Variants in HPSE2 observed in about 807,000 individuals in gnomAD.
The protein encoded by HPSE2 is inactive heparanase-2.
A neutral mutation model predicts 60.5 loss-of-function variants in HPSE2; 38 were observed. The observed-to-expected ratio is 0.63, with a 90% CI of 0.48 to 0.82. HPSE2 has a LOEUF of 0.82. Ranked by LOEUF, HPSE2 falls within the 40% of genes least tolerant of loss-of-function variation. The probability of loss-of-function intolerance (pLI) is 0.00; values close to 1 mark genes in which losing one functional copy is unlikely to be tolerated. For missense variants in HPSE2, 713 were observed against 740.4 expected (o/e 0.96, Z 0.43); for synonymous variants, 295 against 293.2 (o/e 1.01, Z -0.06).
At chr10:98,539,706 A>C (rs917298680) in intron 9 of HPSE2, among the ~76,000 whole-genome samples, 1 of 151,488 alleles carries the variant, frequency 6.6e-6, no homozygotes, top group African/African-American at 2.4e-5. Flanking sequence ...TCTCTGGCCT[A>C]TACTATCTTT....
At position 99,164,759 on chromosome 10, in the gene HPSE2, G is replaced by A. The variant is rs534547193; in HGVS notation, c.449-20360C>T. Among the ~76,000 whole-genome samples the A allele has an allele frequency of 1.8e-4, 27 of 151,662 alleles. 1 individual carries two copies. In the South Asian group the frequency reaches 4.1e-3, roughly 23 times the overall value. ...TTCATTTTAGGCCAGGCGCAGTGGCGCATGCCTGTATTCCCAGCACTTTGG... is the reference window on the plus strand; with the variant it reads ...TTCATTTTAGGCCAGGCGCAGTGGCACATGCCTGTATTCCCAGCACTTTGG... On this transcript the variant is annotated intron_variant, in intron 2 of 11. Coordinates refer to ENST00000370552, the MANE Select transcript of HPSE2 (RefSeq NM_021828.5).
At chr10:98,547,782 G>A (rs932994634) in intron 9 of HPSE2, among the ~76,000 whole-genome samples, 4 of 151,176 alleles carry the variant, frequency 2.6e-5, no homozygotes, top group African/African-American at 9.8e-5. Flanking sequence ...TTGTGCACAT[G>A]TACCCTAAAA....
intron 3 of HPSE2, among the ~76,000 whole-genome samples, chr10:98,775,393 A>G (rs961790900): frequency 6.6e-6 from 1 of 152,198 alleles, no homozygotes; most frequent in Non-Finnish European, 1.5e-5. Context: ...TCTCACATAC[A>G]TCGAAGGGTA....
At chr10:98,748,186 G>A (rs1949672251) in intron 3 of HPSE2, among the ~76,000 whole-genome samples, 1 of 152,082 alleles carries the variant, frequency 6.6e-6, no homozygotes, top group Non-Finnish European at 1.5e-5. Flanking sequence ...TGTAATCCCA[G>A]CTACTCTACT....
intron 6 of HPSE2, among the ~76,000 whole-genome samples, chr10:98,674,904 A>G (rs1374392088): frequency 6.6e-6 from 1 of 152,226 alleles, no homozygotes; most frequent in African/African-American, 2.4e-5. Flanking sequence ...CCTGGGCGAC[A>G]GAGAAGAAAA....
At chr10:98,950,322 C>T (rs149765241) in intron 3 of HPSE2, among the ~76,000 whole-genome samples, 15 of 152,216 alleles carry the variant, frequency 9.9e-5, no homozygotes, top group Non-Finnish European at 1.8e-4. Context: ...ACAAGGATTA[C>T]CCAAAGGCAT....
chr10:98,707,135 G>A (rs182956493), intron 5 of HPSE2, among the ~76,000 whole-genome samples: 1 of 151,756 alleles, frequency 6.6e-6, no homozygotes, highest in Non-Finnish European at 1.5e-5. Context: ...CACTGTTGGT[G>A]TGCTCAAGAG....
intron 3 of HPSE2, among the ~76,000 whole-genome samples, chr10:98,965,587 C>T (rs1282734835): frequency 6.6e-6 from 1 of 152,120 alleles, no homozygotes; most frequent in Admixed American, 6.5e-5. Flanking sequence ...ATTCACTTTT[C>T]CCAAACAGAA....
intron 3 of HPSE2, among the ~76,000 whole-genome samples, chr10:99,050,667 A>G (rs551573420): frequency 6.6e-6 from 1 of 152,352 alleles, no homozygotes; most frequent in Non-Finnish European, 1.5e-5. Context: ...TACACAATAG[A>G]AAAAATTAGC....
chr10:99,049,815 C>A (rs1388888340), intron 3 of HPSE2, among the ~76,000 whole-genome samples: 1 of 151,978 alleles, frequency 6.6e-6, no homozygotes. Flanking sequence ...AGCTATAGAC[C>A]AGGAGAAAAT....
At position 98,759,524 on chromosome 10, in the gene HPSE2, C is replaced by G. The variant is rs72834999; in HGVS notation, c.611-15468G>C. On this transcript the variant is annotated intron_variant, in intron 3 of 11. Coordinates refer to ENST00000370552, the MANE Select transcript of HPSE2 (RefSeq NM_021828.5). Reference sequence around the variant, plus strand: ...TCCTCAGTGTGTGTATATCCAGTATCCCAATATCATACATTAAAGACATTA... The same window carrying G: ...TCCTCAGTGTGTGTATATCCAGTATGCCAATATCATACATTAAAGACATTA... Among the ~76,000 whole-genome samples, 1,164 of 152,114 alleles carry G rather than the reference C, an allele frequency of 7.7e-3. 8 individuals carry two copies. The highest frequency in any genetic ancestry group is 0.027 in the South Asian group (130 of 4,822).
At chr10:99,284,873 G>A in the HPSE2 span, among the ~76,000 whole-genome samples, 75,023 of 151,788 alleles carry the variant, frequency 0.49, 21,699 homozygotes, top group Non-Finnish European at 0.64. Flanking sequence ...TATATACCAT[G>A]GAAAATTAAA....
At chr10:98,469,696 G>A (rs1257807554) in intron 11 of HPSE2, among the ~76,000 whole-genome samples, 1 of 152,154 alleles carries the variant, frequency 6.6e-6, no homozygotes, top group Non-Finnish European at 1.5e-5. Context: ...GCCCCACAAA[G>A]CATCCTGTAT....
At chr10:99,247,145 G>A in the HPSE2 span, among the ~76,000 whole-genome samples, 7 of 152,204 alleles carry the variant, frequency 4.6e-5, no homozygotes, top group East Asian at 1.9e-4. Flanking sequence ...CCCTTCCATC[G>A]CCACTGTAAA....
At chr10:99,278,054 G>C in the HPSE2 span, among the ~76,000 whole-genome samples, 1 of 145,064 alleles carries the variant, frequency 6.9e-6, no homozygotes, top group Non-Finnish European at 1.5e-5. Context: ...CCAAGATCGC[G>C]CCACTGTACT....
chr10:99,239,653 C>A (rs186509808), upstream of HPSE2, among the ~76,000 whole-genome samples: 3 of 151,706 alleles, frequency 2.0e-5, no homozygotes, highest in Admixed American at 6.6e-5. Context: ...TGGTCTCAAA[C>A]TCTTGAGCTC....
intron 3 of HPSE2, among the ~76,000 whole-genome samples, chr10:98,876,302 G>A (rs965676242): frequency 2.6e-5 from 4 of 151,804 alleles, no homozygotes; most frequent in Non-Finnish European, 5.9e-5. Flanking sequence ...AAATTCTTAT[G>A]GTGGTGACTA....
At chr10:98,970,841 G>A (rs1208945338) in intron 3 of HPSE2, among the ~76,000 whole-genome samples, 1 of 152,068 alleles carries the variant, frequency 6.6e-6, no homozygotes, top group Non-Finnish European at 1.5e-5. Flanking sequence ...GTACTTGAGG[G>A]AAAGGATGAG....
At chr10:98,876,026 G>A (rs1394079853) in intron 3 of HPSE2, among the ~76,000 whole-genome samples, 5 of 151,856 alleles carry the variant, frequency 3.3e-5, no homozygotes, top group African/African-American at 1.2e-4. Flanking sequence ...TCTCTTTGCT[G>A]TCATTTGTAT....
Sources: allele counts gnomAD v4.1 joint callset (sites outside exome capture counted in the v4.1 genomes callset), GRCh38; gene constraint gnomAD v4.1.1; transcripts MANE v1.5; gene names NCBI Gene and HGNC (gene_info 2026-07-23, HGNC 2026-07-21).